SLC7A14: variants seen among roughly 807,000 people sequenced by gnomAD.
SLC7A14 encodes solute carrier family 7 member 14, also known as gamma-aminobutyric acid transporter SLC7A14.
A neutral mutation model predicts 60.2 loss-of-function variants in SLC7A14; 37 were observed. The ratio of observed to expected loss-of-function variants is 0.61; its 90% CI spans 0.47 to 0.81. The LOEUF is 0.81. SLC7A14 is among the 30% of genes least tolerant of loss of function. SLC7A14 has a pLI of 0.00. For missense variants in SLC7A14, 886 were observed against 982.7 expected (o/e 0.90, Z 1.32); for synonymous variants, 399 against 395.8 (o/e 1.01, Z -0.10).
Position 170,560,365 on chromosome 3 carries a change from A to G in SLC7A14, c.-153+25546T>C, listed in dbSNP as rs550574965. On this transcript the variant is annotated intron_variant, in intron 1 of 7. Coordinates refer to ENST00000231706, the MANE Select transcript of SLC7A14 (RefSeq NM_020949.3). ...CGATTAGAACAAAAGATTAGTATAA[A>G]TAATATGTATTTTAAAATTCCTACA... Among the ~76,000 whole-genome samples the G allele has an allele frequency of 3.3e-5, 5 of 152,302 alleles. No homozygotes were observed. In the South Asian group the frequency reaches 8.3e-4, roughly 25 times the overall value.
At chr3:170,512,193 A>G (rs1224003647) in intron 2 of SLC7A14, among the ~76,000 whole-genome samples, 3 of 152,170 alleles carry the variant, frequency 2.0e-5, no homozygotes, top group East Asian at 1.9e-4. Flanking sequence ...CTGAGATTAC[A>G]ATGGGCTGGG....
At chr3:170,544,358 A>C (rs1434108259) in intron 1 of SLC7A14, among the ~76,000 whole-genome samples, 2 of 152,194 alleles carry the variant, frequency 1.3e-5, no homozygotes. Context: ...AGACACACAC[A>C]CAAAAGAGAA....
intron 2 of SLC7A14, among the ~76,000 whole-genome samples, chr3:170,514,873 A>C (rs572937489): frequency 1.3e-5 from 2 of 152,348 alleles, no homozygotes; most frequent in South Asian, 4.1e-4. Context: ...TGGGCATATT[A>C]AGCACTTTAC....
At position 170,498,783 on chromosome 3, in the gene SLC7A14, T is replaced by C; in HGVS notation, c.643A>G (p.Asn215Asp). 1 of 1,614,170 alleles carries C rather than the reference T, an allele frequency of 6.2e-7. No homozygotes were observed. The change falls in exon 4 of 8, where the codon AAT becomes GAT. Residue 215 changes from asparagine to aspartate, a missense_variant. Transcript: ENST00000231706. ...GCCAGGTTCAGCACATTGAGAACAT[T>C]GTTGAAGCCTATGGAATTCTTCACC... is the stretch of plus-strand genomic sequence containing the variant. The part of the protein sequence containing the change: ...LGVKNSIGFN[N>D]VLNVLNLAVW...
chr3:170,483,534 A>G lies in SLC7A14; in HGVS notation c.907-12T>C. On this transcript the variant is annotated splice_polypyrimidine_tract_variant and intron_variant, in intron 5 of 7. Transcript: ENST00000231706. ...AAGATCACGCTCACCTGTTAAAACA[A>G]GAGAAGACAGGGCTGGAGGTACAGG... 6.2e-7 allele frequency: 1 copy of G among 1,614,080 alleles called. No individual in the cohort carries two copies. Among genetic ancestry groups the G allele is most frequent in the Non-Finnish European group, 8.5e-7 (1 of 1,179,934 alleles).
At chr3:170,497,029 C>G (rs1712421412) in intron 4 of SLC7A14, among the ~76,000 whole-genome samples, 1 of 140,126 alleles carries the variant, frequency 7.1e-6, no homozygotes, top group Non-Finnish European at 1.5e-5. Context: ...GGGGAGTTTA[C>G]TGCTTGGGGA....
intron 1 of SLC7A14, among the ~76,000 whole-genome samples, chr3:170,560,076 C>T (rs1714603033): frequency 6.6e-6 from 1 of 152,174 alleles, no homozygotes; most frequent in South Asian, 2.1e-4. Context: ...TGAATCAGAC[C>T]TTACATTAGC....
At position 170,486,367 on chromosome 3, in the gene SLC7A14, A is replaced by C. The variant is rs1560254113; in HGVS notation, c.761T>G (p.Val254Gly). Residue 254 changes from valine (V) to glycine (G), a missense_variant and splice_region_variant, in exon 5 of 8, where the codon GTG (valine) becomes GGG (glycine). Val to Gly is a moderately radical substitution (Grantham distance 109, BLOSUM62 -3). Coordinates refer to ENST00000231706, the MANE Select transcript of SLC7A14 (RefSeq NM_020949.3). Reference sequence around the variant, plus strand: ...GAAGCATGTTGCTGCTCCTTGCAGCACCTGTGTGGATGATGGCATTTGTCA... The same window carrying C: ...GAAGCATGTTGCTGCTCCTTGCAGCCCCTGTGTGGATGATGGCATTTGTCA... ...GQFLPHGWSG[V>G]LQGAATCFYA... 1.2e-6 allele frequency: 2 copies of C among 1,614,182 alleles called. No homozygotes were observed. Among genetic ancestry groups the C allele is most frequent in the Middle Eastern group, 1.6e-4 (1 of 6,062 alleles).
chr3:170,483,833 G>A (rs1164118721), intron 5 of SLC7A14, among the ~76,000 whole-genome samples: 8 of 152,216 alleles, frequency 5.3e-5, no homozygotes, highest in Non-Finnish European at 7.4e-5. Context: ...TAACAGTTCA[G>A]TGGAGAGCAG....
chr3:170,568,710 T>C (rs1440782154), intron 1 of SLC7A14, among the ~76,000 whole-genome samples: 1 of 152,218 alleles, frequency 6.6e-6, no homozygotes, highest in Non-Finnish European at 1.5e-5. Flanking sequence ...TAGTTCTCCT[T>C]GAAGAGTTCC....
intron 1 of SLC7A14, among the ~76,000 whole-genome samples, chr3:170,530,259 T>C (rs1713635095): frequency 6.6e-6 from 1 of 152,162 alleles, no homozygotes; most frequent in African/African-American, 2.4e-5. Flanking sequence ...TTGTACCAGA[T>C]GTCAGGGAAA....
intron 7 of SLC7A14, among the ~76,000 whole-genome samples, chr3:170,471,090 G>GTGTGTGT (rs1553864202): frequency 5.5e-5 from 8 of 146,356 alleles, no homozygotes; most frequent in African/African-American, 2.0e-4. Context: ...TCTGGGAAGG[G>GTGTGTGT]GTGTGTGTGT....
In SLC7A14 at chr3:170,532,582, C is replaced by A. The variant is rs992778208; in HGVS notation, c.-152-5494G>T. ...GTGGTGAGGAGTGGAAGAGCTAATA[C>A]GTGTAGAGCTTTTAGTACCGCGCCT... On this transcript the variant is annotated intron_variant, in intron 1 of 7. Transcript: ENST00000231706. The surrounding 1 kb of genome is among the most constrained non-coding windows in gnomAD (Gnocchi z 4.0). Among the ~76,000 whole-genome samples, 1 of 152,128 alleles carries A rather than the reference C, an allele frequency of 6.6e-6. No individual in the cohort carries two copies. The highest frequency in any genetic ancestry group is 1.9e-4 in the East Asian group (1 of 5,198).
intron 7 of SLC7A14, 102 bp downstream of exon 7, chr3:170,480,187 T>C: frequency 7.9e-7 from 1 of 1,271,630 alleles, no homozygotes; most frequent in Non-Finnish European, 1.1e-6. Flanking sequence ...GCCAGATTTC[T>C]CTGGGAACGG....
chr3:170,568,604 A>T (rs1190364069), intron 1 of SLC7A14, among the ~76,000 whole-genome samples: 3 of 152,088 alleles, frequency 2.0e-5, no homozygotes, highest in African/African-American at 4.8e-5. Flanking sequence ...CTTGGGCAGT[A>T]TGGCCATTTT....
chr3:170,510,912 T>G (rs1268818855), intron 2 of SLC7A14, among the ~76,000 whole-genome samples: 2 of 152,234 alleles, frequency 1.3e-5, no homozygotes. Flanking sequence ...TGGTTTCACA[T>G]TTGATGCTCA....
intron 3 of SLC7A14, among the ~76,000 whole-genome samples, chr3:170,500,438 CAAAAAAAAAAA>C (rs66971540): frequency 1.8e-5 from 1 of 55,630 alleles, no homozygotes; most frequent in Non-Finnish European, 3.5e-5. Context: ...GACTCTGTCT[CAAAAAAAAAAA>C]AAAAAAAAAA....
intron 1 of SLC7A14, among the ~76,000 whole-genome samples, chr3:170,543,431 C>G (rs1263970647): frequency 2.6e-5 from 4 of 152,048 alleles, no homozygotes; most frequent in Admixed American, 2.6e-4. Context: ...GGGCAGGTCA[C>G]CTGAGGTTGG....
At chr3:170,490,484 T>C (rs1712183306) in intron 4 of SLC7A14, among the ~76,000 whole-genome samples, 1 of 152,188 alleles carries the variant, frequency 6.6e-6, no homozygotes, top group Non-Finnish European at 1.5e-5. Context: ...AAAGCAATCT[T>C]AGAAAAAGGT....
Sources: allele counts gnomAD v4.1 joint callset (sites outside exome capture counted in the v4.1 genomes callset), GRCh38; gene constraint gnomAD v4.1.1; non-coding constraint Gnocchi (gnomAD v3.1); transcripts MANE v1.5; gene names NCBI Gene and HGNC (gene_info 2026-07-23, HGNC 2026-07-21).